GNG7: variants seen among roughly 807,000 people sequenced by gnomAD.
GNG7 encodes the protein guanine nucleotide-binding protein G(I)/G(S)/G(O) subunit gamma-7.
Under a neutral mutation model 4.0 loss-of-function variants are expected in GNG7, and 1 was observed. The observed-to-expected ratio is 0.25, with a 90% CI of 0.09 to 1.18. The LOEUF is 1.18. Ranked by LOEUF, GNG7 falls within the 50% of genes most tolerant of loss-of-function variation. The probability of loss-of-function intolerance (pLI) is 0.50; values close to 1 mark genes in which losing one functional copy is unlikely to be tolerated. For synonymous variants in GNG7, 34 were observed against 36.9 expected, an observed-to-expected ratio of 0.92 and a Z score of 0.29; for missense variants, 86 against 91.9, an observed-to-expected ratio of 0.94 and a Z score of 0.26.
chr19:2,585,925 C>T lies in GNG7; in HGVS notation c.-77-30737G>A, dbSNP rs570509849. 1.8e-4 allele frequency among the ~76,000 whole-genome samples: 28 copies of T among 152,334 alleles called. No homozygotes were observed. In the Middle Eastern group the frequency reaches 0.01, roughly 56 times the overall value. On this transcript the variant is annotated intron_variant, in intron 2 of 4. Transcript: ENST00000382159. ...CCATGTTGGCCAGGATGGTCTCACT[C>T]TCTTGACCTCGTGATCCACCCGCCT... is the stretch of plus-strand genomic sequence containing the variant.
chr19:2,637,914 G>A (rs1266627908), intron 2 of GNG7, among the ~76,000 whole-genome samples: 2 of 152,164 alleles, frequency 1.3e-5, no homozygotes, highest in African/African-American at 4.8e-5. Context: ...GCCATGCTGA[G>A]GTCCCAGGAG....
rs925406539 is a variant in GNG7, at chr19:2,513,502, T to C, written c.*1520A>G. Reference sequence around the variant, plus strand: ...CGTGCCGCAGAGGAGGACGCAGTCATCTTTCAGAAGCCTCCCCCCGACCCC... The same window carrying C: ...CGTGCCGCAGAGGAGGACGCAGTCACCTTTCAGAAGCCTCCCCCCGACCCC... On this transcript the variant is annotated 3_prime_UTR_variant, in exon 5 of 5. Coordinates refer to ENST00000382159, the MANE Select transcript of GNG7 (RefSeq NM_052847.3). 3.2e-5 allele frequency: 32 copies of C among 985,360 alleles called. No individual in the cohort carries two copies. The Admixed American group carries it at 5.5e-4, about 17-fold the overall frequency. 61.0% of individuals were successfully genotyped at this position (985,360 alleles called of 1,614,324 possible).
chr19:2,590,174 T>TGA (rs1555696195), intron 2 of GNG7, among the ~76,000 whole-genome samples: 1 of 152,156 alleles, frequency 6.6e-6, no homozygotes, highest in Non-Finnish European at 1.5e-5. Flanking sequence ...GGTAACAACA[T>TGA]TATCAAGAGG....
intron 2 of GNG7, among the ~76,000 whole-genome samples, chr19:2,625,405 G>A (rs1049765282): frequency 6.6e-6 from 1 of 152,124 alleles, no homozygotes; most frequent in African/African-American, 2.4e-5. Context: ...CAGAAATAGA[G>A]GGGGGTCTCT....
At chr19:2,585,753 T>C (rs569985154) in intron 2 of GNG7, among the ~76,000 whole-genome samples, 8 of 152,144 alleles carry the variant, frequency 5.3e-5, no homozygotes, top group African/African-American at 1.9e-4. Flanking sequence ...CAGGCTGGAG[T>C]GCAGTGGCGC....
chr19:2,620,969 C>T (rs763677953), intron 2 of GNG7, among the ~76,000 whole-genome samples: 27 of 152,100 alleles, frequency 1.8e-4, no homozygotes, highest in African/African-American at 2.9e-4. Flanking sequence ...TTCCTGCAGG[C>T]GCTCTGAAGG....
chr19:2,538,460 C>CA (rs397859757), intron 3 of GNG7: 18,800 of 178,604 alleles, frequency 0.11, 650 homozygotes, highest in African/African-American at 0.17. Context: ...CCCGTCTCTG[C>CA]AAAAAAAAAA....
chr19:2,612,031 C>T (rs1465505969), intron 2 of GNG7, among the ~76,000 whole-genome samples: 5 of 151,976 alleles, frequency 3.3e-5, no homozygotes, highest in Non-Finnish European at 5.9e-5. Flanking sequence ...CCCGCCACCA[C>T]GCCCAGCTAA....
intron 2 of GNG7, among the ~76,000 whole-genome samples, chr19:2,558,259 T>TTTTC (rs1979630079): frequency 6.6e-6 from 1 of 151,134 alleles, no homozygotes; most frequent in Non-Finnish European, 1.5e-5. Flanking sequence ...TGTTTTTTTT[T>TTTTC]TGAGATAGGG....
intron 3 of GNG7, among the ~76,000 whole-genome samples, chr19:2,542,544 G>A (rs1281079937): frequency 1.3e-5 from 2 of 152,162 alleles, no homozygotes; most frequent in Non-Finnish European, 2.9e-5. Flanking sequence ...GACGACAACT[G>A]GAAGCTTCGC....
chr19:2,606,693 TTA>T (rs1491567806), intron 2 of GNG7, among the ~76,000 whole-genome samples: 4 of 149,028 alleles, frequency 2.7e-5, no homozygotes, highest in East Asian at 2.0e-4. Context: ...ATTAATTAAT[TTA>T]AAAAAAAAGT....
intron 2 of GNG7, among the ~76,000 whole-genome samples, chr19:2,562,634 C>T (rs1979778161): frequency 6.6e-6 from 1 of 152,182 alleles, no homozygotes; most frequent in South Asian, 2.1e-4. Flanking sequence ...GACCTCCACA[C>T]ACTCCATGCC....
At chr19:2,628,677 C>A (rs1982080482) in intron 2 of GNG7, among the ~76,000 whole-genome samples, 1 of 149,884 alleles carries the variant, frequency 6.7e-6, no homozygotes, top group Non-Finnish European at 1.5e-5. Flanking sequence ...CAACAGCTCC[C>A]CTCTTCCCTC....
chr19:2,570,888 C>T (rs1167364749), intron 2 of GNG7, among the ~76,000 whole-genome samples: 2 of 152,170 alleles, frequency 1.3e-5, no homozygotes, highest in Non-Finnish European at 2.9e-5. Context: ...GCCTTGACCT[C>T]CTGAGCTCAA....
At chr19:2,684,840 T>C (rs185884604) in intron 1 of GNG7, among the ~76,000 whole-genome samples, 82 of 133,520 alleles carry the variant, frequency 6.1e-4, no homozygotes, top group African/African-American at 2.4e-3. Context: ...AATACAAAAA[T>C]TGGACGGGCG....
chr19:2,539,183 A>C (rs1461514123), intron 3 of GNG7, among the ~76,000 whole-genome samples: 1 of 152,220 alleles, frequency 6.6e-6, no homozygotes, highest in African/African-American at 2.4e-5. Context: ...AATGAACTAT[A>C]AACTGCGTTG....
intron 1 of GNG7, among the ~76,000 whole-genome samples, chr19:2,663,913 C>A (rs978678903): frequency 3.9e-5 from 6 of 152,162 alleles, no homozygotes; most frequent in Non-Finnish European, 7.4e-5. Flanking sequence ...TGAGTAGCAT[C>A]CCTGGTCTCC....
chr19:2,560,182 C>A (rs560573198), intron 2 of GNG7, among the ~76,000 whole-genome samples: 1 of 152,174 alleles, frequency 6.6e-6, no homozygotes, highest in East Asian at 1.9e-4. Context: ...TTGGGGTTCA[C>A]AAATACACAC....
chr19:2,679,078 C>T (rs1983666596), intron 1 of GNG7, among the ~76,000 whole-genome samples: 1 of 152,142 alleles, frequency 6.6e-6, no homozygotes, highest in South Asian at 2.1e-4. Flanking sequence ...GAGACGGGAT[C>T]TTGCTGTTGC....
Sources: gnomAD v4.1 joint callset for allele counts (sites outside exome capture counted in the v4.1 genomes callset) on GRCh38, gnomAD v4.1.1 for gene constraint, MANE v1.5 for transcripts, NCBI Gene and HGNC (gene_info 2026-07-23, HGNC 2026-07-21) for gene names.